LINS1: variants seen among roughly 807,000 people sequenced by gnomAD.
LINS1 encodes the protein lines homolog 1.
LINS1 carries 27 observed loss-of-function variants against 41.6 expected under a neutral mutation model. The ratio of observed to expected loss-of-function variants is 0.65; its 90% CI spans 0.48 to 0.89. LINS1 has a LOEUF of 0.89. Ranked by LOEUF, LINS1 falls within the 40% of genes least tolerant of loss-of-function variation. The pLI is 0.00. For missense variants in LINS1, 955 were observed against 884.1 expected (o/e 1.08, Z -1.02); for synonymous variants, 336 against 312.9 (o/e 1.07, Z -0.78).
chr15:100,572,679 A>G, intron 5 of LINS1: 1 of 986,482 alleles, frequency 1.0e-6, no homozygotes, highest in Non-Finnish European at 1.2e-6. Context: ...CAGTGATGTC[A>G]TTGCTCACAA....
At chr15:100,578,514 G>C (rs1567086222) in intron 3 of LINS1, among the ~76,000 whole-genome samples, 1 of 151,988 alleles carries the variant, frequency 6.6e-6, no homozygotes, top group Non-Finnish European at 1.5e-5. Context: ...TCATTAAAAA[G>C]TCAGGAAACA....
At chr15:100,594,162 T>G (rs1044935850) in intron 1 of LINS1, among the ~76,000 whole-genome samples, 2 of 152,268 alleles carry the variant, frequency 1.3e-5, no homozygotes, top group African/African-American at 4.8e-5. Flanking sequence ...ATGTAAGTGA[T>G]GTGTAAATAG....
rs1247093801 is a variant in LINS1, at chr15:100,572,746, T to C, written c.1223-681A>G. 7 of 984,134 alleles carry C rather than the reference T, an allele frequency of 7.1e-6. No homozygotes were observed. The East Asian group carries it at 7.9e-4, about 111-fold the overall frequency. The allele number at this position is 984,134 out of a possible 1,614,324, so 61.0% of individuals were successfully genotyped here. ...TGTTTAGAGACATTTACTATTCATT[T>C]TTCTCAAGTAAAATGGAAGACTTTG... On this transcript the variant is annotated intron_variant, in intron 5 of 6. Transcript: ENST00000314742.
At chr15:100,588,488 A>T (rs774642680) in intron 1 of LINS1, among the ~76,000 whole-genome samples, 6 of 152,268 alleles carry the variant, frequency 3.9e-5, no homozygotes, top group Non-Finnish European at 7.3e-5. Context: ...CATGTGACTT[A>T]AGTAATCTGA....
rs56911211 is a variant in LINS1 at position 100,600,551 on chromosome 15, C to CAAAAAAAAAAAAAA, written c.-104+1556_-104+1569dup. 3.7e-3 allele frequency among the ~76,000 whole-genome samples: 292 copies of CAAAAAAAAAAAAAA among 79,648 alleles called. 70 individuals are homozygous for CAAAAAAAAAAAAAA. The highest frequency in any genetic ancestry group is 0.018 in the African/African-American group (266 of 14,986). The allele number at this position is 79,648 out of a possible 152,430, so 52.3% of individuals were successfully genotyped here. A position where few individuals can be genotyped will look rare whatever the true frequency, so the allele number is the denominator to read the frequency against. On this transcript the variant is annotated intron_variant, in intron 1 of 6. Transcript: ENST00000314742. ...TTTACATTGGAGTCCTGCTGTTAAG[C>CAAAAAAAAAAAAAA]AAAAAAAAAAAAAAAAAAAACAGGG...
intron 5 of LINS1, chr15:100,573,436 C>A (rs2037957636): frequency 9.8e-7 from 1 of 1,016,996 alleles, no homozygotes. Context: ...ATTCCTTATG[C>A]TTTACAAATT....
chr15:100,594,852 C>G (rs1012191560), intron 1 of LINS1, among the ~76,000 whole-genome samples: 12 of 152,074 alleles, frequency 7.9e-5, no homozygotes, highest in African/African-American at 2.4e-4. Context: ...GGGAGCAGAA[C>G]CTACTGGAAT....
intron 5 of LINS1, chr15:100,573,123 C>T (rs2037932258): frequency 6.4e-6 from 1 of 156,010 alleles, no homozygotes; most frequent in African/African-American, 2.4e-5. Context: ...TCTCCTCTCT[C>T]TCTCTCTCTC....
At chr15:100,584,623 A>C (rs2038716774) in intron 1 of LINS1, among the ~76,000 whole-genome samples, 2 of 152,090 alleles carry the variant, frequency 1.3e-5, no homozygotes, top group South Asian at 4.1e-4. Flanking sequence ...TGTTTCTTCC[A>C]CTATCCTCTT....
intron 3 of LINS1, 73 bp from the exon 4 acceptor site, chr15:100,575,201 T>A (rs1198651420): frequency 6.8e-6 from 9 of 1,325,718 alleles, no homozygotes; most frequent in African/African-American, 1.5e-5. Flanking sequence ...TATACAACAT[T>A]GTTTATACAT....
At position 100,569,053 on chromosome 15, in the gene LINS1, G is replaced by A. The variant is rs909937551; in HGVS notation, c.*185C>T. The A allele has an allele frequency of 1.1e-5, 5 of 464,422 alleles. No individual in the cohort carries two copies. Among genetic ancestry groups the A allele is most frequent in the Admixed American group, 3.6e-5 (1 of 27,854 alleles). 28.8% of individuals were successfully genotyped at this position (464,422 alleles called of 1,614,324 possible). A position where few individuals can be genotyped will look rare whatever the true frequency, so the allele number is the denominator to read the frequency against. On this transcript the variant is annotated 3_prime_UTR_variant, in exon 7 of 7. Transcript: ENST00000314742. ...GCAGGAGAATTGCTTGAACCCAGGA[G>A]GTGGAGGTTGCAGTGAGTCGAGTCA...
chr15:100,582,889 C>T (rs1471296989), intron 1 of LINS1, among the ~76,000 whole-genome samples: 3 of 149,982 alleles, frequency 2.0e-5, no homozygotes, highest in South Asian at 2.1e-4. Context: ...CACTACGGCC[C>T]ACTAGCCTAG....
rs191656742 is a variant in LINS1, at chr15:100,577,801, A to G, written c.489+2462T>C. 9.3e-3 allele frequency among the ~76,000 whole-genome samples: 1,412 copies of G among 152,254 alleles called. 11 individuals carry two copies. Among genetic ancestry groups the G allele is most frequent in the African/African-American group, 0.03 (1,237 of 41,540 alleles). ...CTACAAGGCTACAGTAACCAAAACA[A>G]CATGGTACTCGTACCAAAACAGAGA... On this transcript the variant is annotated intron_variant, in intron 3 of 6. Transcript: ENST00000314742.
chr15:100,576,331 GATAAAGGGAGTAT>G (rs1165253525), intron 3 of LINS1, among the ~76,000 whole-genome samples: 2 of 152,190 alleles, frequency 1.3e-5, no homozygotes, highest in African/African-American at 4.8e-5. Context: ...AATAAAAAAT[GATAAAGGGAGTAT>G]CACCACTGAT....
Position 100,569,483 on chromosome 15 carries a change from G to C in LINS1, c.2029C>G (p.Pro677Ala). The change falls in exon 7 of 7, where the codon CCT becomes GCT. Residue 677 changes from proline to alanine, a missense_variant. By Grantham distance (27) the Pro-to-Ala change is conservative (BLOSUM62 -1). Transcript: ENST00000314742. ...TTCAGAACCAGAGGCCTTGATGGAG[G>C]CTCAAGGCTAAATTCTTTTTTATCC... ...SRDKKEFSLE[P>A]PSRPLVLKEF... 6.2e-7 allele frequency: 1 copy of C among 1,614,144 alleles called. No individual in the cohort carries two copies. Among genetic ancestry groups the C allele is most frequent in the Non-Finnish European group, 8.5e-7 (1 of 1,180,014 alleles).
chr15:100,575,252 G>A (rs2038097410), intron 3 of LINS1, 124 bp from the exon 4 acceptor site: 1 of 726,316 alleles, frequency 1.4e-6, no homozygotes, highest in Non-Finnish European at 2.3e-6. Flanking sequence ...ACACCGAGAA[G>A]GAACAGAAGT....
chr15:100,575,629 A>G (rs2038126607), intron 3 of LINS1, among the ~76,000 whole-genome samples: 1 of 152,240 alleles, frequency 6.6e-6, no homozygotes, highest in Non-Finnish European at 1.5e-5. Context: ...ACAGAAAGTT[A>G]ACAAGGATAT....
chr15:100,599,735 A>C (rs767203089), intron 1 of LINS1, among the ~76,000 whole-genome samples: 2 of 152,238 alleles, frequency 1.3e-5, no homozygotes, highest in Non-Finnish European at 2.9e-5. Context: ...TAAATGTTAT[A>C]AAACTGAACT....
chr15:100,599,774 C>A (rs1019774559), intron 1 of LINS1, among the ~76,000 whole-genome samples: 1 of 152,032 alleles, frequency 6.6e-6, no homozygotes, highest in African/African-American at 2.4e-5. Context: ...TGTTAAAAAG[C>A]AAAATTTGAG....
Sources: allele counts gnomAD v4.1 joint callset (sites outside exome capture counted in the v4.1 genomes callset), GRCh38; gene constraint gnomAD v4.1.1; transcripts MANE v1.5; gene names NCBI Gene and HGNC (gene_info 2026-07-23, HGNC 2026-07-21).